MAGI2: variants seen among roughly 807,000 people sequenced by gnomAD.
MAGI2 encodes membrane-associated guanylate kinase, WW and PDZ domain-containing protein 2.
In MAGI2, 35 loss-of-function variants were observed where a neutral mutation model predicts 133.3. That is an observed-to-expected ratio of 0.26 (90% confidence interval 0.20 to 0.35). The LOEUF is 0.35. MAGI2 is among the 10% of genes least tolerant of loss of function. The pLI, the probability that MAGI2 is intolerant of heterozygous loss-of-function variation, is 1.00. For missense variants in MAGI2, 1,636 were observed against 1,863.4 expected, an observed-to-expected ratio of 0.88 and a Z score of 2.25; for synonymous variants, 729 against 710.6, an observed-to-expected ratio of 1.03 and a Z score of -0.41.
intron 2 of MAGI2, among the ~76,000 whole-genome samples, chr7:78,928,957 A>T (rs1025431728): frequency 7.9e-5 from 12 of 152,048 alleles, no homozygotes; most frequent in Non-Finnish European, 1.6e-4. Flanking sequence ...TACCATCCAA[A>T]TGCCCTATAA....
At chr7:78,206,873 C>T (rs941772711) in intron 10 of MAGI2, among the ~76,000 whole-genome samples, 17 of 152,012 alleles carry the variant, frequency 1.1e-4, no homozygotes, top group East Asian at 1.9e-4. Flanking sequence ...GGAGTAGGAA[C>T]GACTTTTAAA....
At chr7:78,514,862 CTGTT>C (rs561428179) in intron 4 of MAGI2, among the ~76,000 whole-genome samples, 93 of 152,232 alleles carry the variant, frequency 6.1e-4, no homozygotes, top group African/African-American at 2.2e-3. Context: ...AAGGGACACT[CTGTT>C]TGCTCTCTGG....
chr7:78,114,844 T>C (rs1469877016), intron 20 of MAGI2, among the ~76,000 whole-genome samples: 1 of 152,098 alleles, frequency 6.6e-6, no homozygotes. Flanking sequence ...GAGAGGAAGA[T>C]AAGGACGTAT....
intron 2 of MAGI2, among the ~76,000 whole-genome samples, chr7:78,673,319 A>T (rs929899261): frequency 1.3e-5 from 2 of 151,996 alleles, no homozygotes; most frequent in African/African-American, 4.8e-5. Context: ...GCACACACAC[A>T]TATGTATATA....
rs547783281 is a variant in MAGI2 at position 78,979,311 on chromosome 7, C to A, written c.418+27779G>T. ...GGAATTATATAAGACGAGCTTGGAGCATCTTGATTTTCCAGAATTTAAGAA... is the reference window on the plus strand; with the variant it reads ...GGAATTATATAAGACGAGCTTGGAGAATCTTGATTTTCCAGAATTTAAGAA... On this transcript the variant is annotated intron_variant, in intron 2 of 21. Transcript: ENST00000354212. Among the ~76,000 whole-genome samples, 119 of 151,744 alleles carry A rather than the reference C, an allele frequency of 7.8e-4. 2 individuals carry two copies. In the South Asian group the frequency reaches 0.016, roughly 21 times the overall value.
chr7:78,898,316 G>A lies in MAGI2; in HGVS notation c.418+108774C>T, dbSNP rs1466824219. ...CCTGAAACAGAAATGCCAAATCAACGGAATGTAAATTGTTCTATCATAAAG... is the reference window on the plus strand; with the variant it reads ...CCTGAAACAGAAATGCCAAATCAACAGAATGTAAATTGTTCTATCATAAAG... On this transcript the variant is annotated intron_variant, in intron 2 of 21. Transcript: ENST00000354212. Among the ~76,000 whole-genome samples the A allele has an allele frequency of 7.9e-5, 12 of 152,094 alleles. No homozygotes were observed. The East Asian group carries it at 1.2e-3, about 15-fold the overall frequency.
intron 1 of MAGI2, among the ~76,000 whole-genome samples, chr7:79,442,136 C>G (rs889812017): frequency 6.6e-6 from 1 of 152,106 alleles, no homozygotes; most frequent in South Asian, 2.1e-4. Flanking sequence ...TAAAAATGAC[C>G]AAAATCCAAA....
intron 9 of MAGI2, among the ~76,000 whole-genome samples, chr7:78,333,318 T>C (rs1789423966): frequency 6.6e-6 from 1 of 152,176 alleles, no homozygotes; most frequent in Non-Finnish European, 1.5e-5. Flanking sequence ...AAGTGAAAGG[T>C]ACTTTCTTAG....
At chr7:79,025,793 T>C (rs1292048431) in intron 1 of MAGI2, among the ~76,000 whole-genome samples, 1 of 152,050 alleles carries the variant, frequency 6.6e-6, no homozygotes, top group East Asian at 1.9e-4. Context: ...ACGTCAGAGA[T>C]TTCAGTGGAA....
chr7:78,367,979 T>C (rs1254143484), intron 7 of MAGI2, among the ~76,000 whole-genome samples: 1 of 152,188 alleles, frequency 6.6e-6, no homozygotes, highest in African/African-American at 2.4e-5. Flanking sequence ...ATTTGTTCAG[T>C]GTCCATGTGA....
chr7:79,241,356 C>T (rs1342031293), intron 1 of MAGI2, among the ~76,000 whole-genome samples: 1 of 152,160 alleles, frequency 6.6e-6, no homozygotes, highest in Admixed American at 6.5e-5. Flanking sequence ...AAGATTATAA[C>T]AGTGAGATAA....
intron 20 of MAGI2, among the ~76,000 whole-genome samples, chr7:78,115,493 G>A (rs919069983): frequency 6.6e-6 from 1 of 152,094 alleles, no homozygotes; most frequent in Non-Finnish European, 1.5e-5. Flanking sequence ...ACACAGAACG[G>A]TTAAAAGCAA....
At chr7:78,025,429 C>T (rs561132434) in intron 21 of MAGI2, among the ~76,000 whole-genome samples, 22 of 152,284 alleles carry the variant, frequency 1.4e-4, no homozygotes, top group African/African-American at 5.1e-4. Context: ...CTGTAAGCTT[C>T]ATAAGGGCAA....
At chr7:78,539,622 A>C (rs540991715) in intron 3 of MAGI2, among the ~76,000 whole-genome samples, 1 of 152,214 alleles carries the variant, frequency 6.6e-6, no homozygotes, top group African/African-American at 2.4e-5. Flanking sequence ...AGAATTTTTA[A>C]ATTTCCATCT....
chr7:78,201,221 T>G, intron 10 of MAGI2, 28 bp from the exon 11 acceptor site: 1 of 1,250,340 alleles, frequency 8.0e-7, no homozygotes, highest in South Asian at 1.6e-5. Context: ...ATATTTGAAC[T>G]TTGAAAATAT....
At chr7:79,124,370 C>G (rs1249206720) in intron 1 of MAGI2, among the ~76,000 whole-genome samples, 1 of 152,106 alleles carries the variant, frequency 6.6e-6, no homozygotes, top group Non-Finnish European at 1.5e-5. Flanking sequence ...CTCATGTACT[C>G]AAATATATTA....
chr7:78,394,228 G>A (rs1310863434), intron 6 of MAGI2, among the ~76,000 whole-genome samples: 1 of 152,182 alleles, frequency 6.6e-6, no homozygotes. Context: ...CCTTACCTCA[G>A]TCAAGTAAAC....
intron 20 of MAGI2, among the ~76,000 whole-genome samples, chr7:78,116,389 C>A (rs1819874874): frequency 1.4e-5 from 2 of 146,400 alleles, no homozygotes; most frequent in African/African-American, 2.5e-5. Context: ...ACAGAGTAAA[C>A]CCAGAAAGAA....
chr7:78,165,356 T>C (rs1319299297), intron 15 of MAGI2, among the ~76,000 whole-genome samples: 1 of 152,196 alleles, frequency 6.6e-6, no homozygotes, highest in Non-Finnish European at 1.5e-5. Context: ...ATCCTTAGCA[T>C]GTACATTTAA....
Sources: gnomAD v4.1 joint callset for allele counts (sites outside exome capture counted in the v4.1 genomes callset) on GRCh38, gnomAD v4.1.1 for gene constraint, MANE v1.5 for transcripts, NCBI Gene and HGNC (gene_info 2026-07-23, HGNC 2026-07-21) for gene names.